The following GRIP2 variants were observed in gnomAD, a reference collection of about 807,000 sequenced individuals.
GRIP2 encodes glutamate receptor-interacting protein 2.
In GRIP2, 58 loss-of-function variants were observed where a neutral mutation model predicts 108.3. The observed-to-expected ratio is 0.54, with a 90% CI of 0.43 to 0.67. The LOEUF is 0.67. Ranked by LOEUF, GRIP2 falls within the 30% of genes least tolerant of loss-of-function variation. The probability of loss-of-function intolerance (pLI) is 0.00; values close to 1 mark genes in which losing one functional copy is unlikely to be tolerated. For missense variants in GRIP2, 1,278 were observed against 1,430.6 expected (o/e 0.89, Z 1.72); for synonymous variants, 586 against 598.2 (o/e 0.98, Z 0.30).
intron 1 of GRIP2, among the ~76,000 whole-genome samples, chr3:14,552,309 T>C (rs73133627): frequency 0.041 from 6,242 of 152,196 alleles, 418 homozygotes; most frequent in African/African-American, 0.14. Flanking sequence ...GAGTGAATAA[T>C]TCATCACAGA....
At chr3:14,561,699 T>C in the GRIP2 span, among the ~76,000 whole-genome samples, 1 of 152,230 alleles carries the variant, frequency 6.6e-6, no homozygotes, top group African/African-American at 2.4e-5. Flanking sequence ...TAGCATCTCA[T>C]CAGAGATGCC....
At chr3:14,563,052 A>C in the GRIP2 span, among the ~76,000 whole-genome samples, 1 of 152,240 alleles carries the variant, frequency 6.6e-6, no homozygotes, top group African/African-American at 2.4e-5. Context: ...TACAGATTAA[A>C]AGAGACACAA....
At position 14,511,289 on chromosome 3, in the gene GRIP2, G is replaced by A. The variant is rs781690636; in HGVS notation, c.1809C>T (p.Gly603=). The change falls in exon 16 of 24, where the codon GGC becomes GGT. Residue 603 remains glycine (G), a synonymous_variant. Transcript: ENST00000621039. The surrounding 1 kb of genome is among the most constrained non-coding windows in gnomAD (Gnocchi z 4.1). ...VAHRTGTLEP[G]DKLLAIDNIR... Reference sequence around the variant, plus strand: ...TATTGTCAATGGCCAGTAGCTTGTCGCCTGGCTCCAGGGTGCCCGTCCTGC... The same window carrying A: ...TATTGTCAATGGCCAGTAGCTTGTCACCTGGCTCCAGGGTGCCCGTCCTGC... 28 of 1,613,976 alleles carry A rather than the reference G, an allele frequency of 1.7e-5. No individual in the cohort carries two copies. The highest frequency in any genetic ancestry group is 6.7e-5 in the East Asian group (3 of 44,876).
At chr3:14,563,105 C>CTGATT in the GRIP2 span, among the ~76,000 whole-genome samples, 1 of 152,084 alleles carries the variant, frequency 6.6e-6, no homozygotes, top group Non-Finnish European at 1.5e-5. Flanking sequence ...TACTTGAATC[C>CTGATT]TGATTTGAAT....
At chr3:14,515,675 G>A (rs986892848) in intron 11 of GRIP2, among the ~76,000 whole-genome samples, 7 of 151,906 alleles carry the variant, frequency 4.6e-5, no homozygotes, top group African/African-American at 1.5e-4. Flanking sequence ...TCACTGTGTC[G>A]CCCAGGGTGG....
At chr3:14,514,128 A>G (rs371874440) in intron 12 of GRIP2, among the ~76,000 whole-genome samples, 164 bp downstream of exon 12, 2 of 152,344 alleles carry the variant, frequency 1.3e-5, no homozygotes, top group South Asian at 4.1e-4. Flanking sequence ...TGGGCAAGTG[A>G]GTCAGCTTCT....
the GRIP2 span, among the ~76,000 whole-genome samples, chr3:14,569,024 A>G: frequency 6.6e-6 from 1 of 152,246 alleles, no homozygotes; most frequent in African/African-American, 2.4e-5. Context: ...CCAGGCAGCT[A>G]GCAGAGTAAT....
intron 21 of GRIP2, among the ~76,000 whole-genome samples, chr3:14,501,906 A>G (rs974354498): frequency 6.6e-6 from 1 of 152,132 alleles, no homozygotes; most frequent in Non-Finnish European, 1.5e-5. Flanking sequence ...AAATCTCCAA[A>G]TTGGAGATTG....
chr3:14,534,731 A>C (rs896267937), intron 1 of GRIP2, among the ~76,000 whole-genome samples: 8 of 152,150 alleles, frequency 5.3e-5, no homozygotes, highest in Admixed American at 3.9e-4. Flanking sequence ...TGCACCTGGT[A>C]CTCAGGCCCA....
upstream of GRIP2, chr3:14,542,042 C>T (rs1403512151): frequency 1.5e-6 from 2 of 1,353,690 alleles, no homozygotes; most frequent in Admixed American, 2.0e-5. Flanking sequence ...CCTCCATTCC[C>T]TCCATCTACA....
intron 4 of GRIP2, 82 bp downstream of exon 4, chr3:14,524,311 C>G: frequency 6.7e-7 from 1 of 1,482,126 alleles, no homozygotes; most frequent in Non-Finnish European, 9.1e-7. Context: ...ATGATCCCTG[C>G]CACCCAGGCC....
the GRIP2 span, among the ~76,000 whole-genome samples, chr3:14,584,274 T>C: frequency 1.3e-5 from 2 of 152,178 alleles, no homozygotes; most frequent in African/African-American, 4.8e-5. Context: ...CTCTTGGCCC[T>C]TCTCTATTGA....
At chr3:14,547,427 G>A (rs541412079) in intron 1 of GRIP2, among the ~76,000 whole-genome samples, 9 of 152,208 alleles carry the variant, frequency 5.9e-5, no homozygotes, top group Non-Finnish European at 1.2e-4. Context: ...AGCCAGATCT[G>A]GCGCTGGGAT....
At chr3:14,496,242 ATG>A (rs942588240) in intron 22 of GRIP2, among the ~76,000 whole-genome samples, 173 bp downstream of exon 22, 13 of 152,260 alleles carry the variant, frequency 8.5e-5, no homozygotes, top group Non-Finnish European at 1.9e-4. Context: ...ACAGGTGTGC[ATG>A]TGTGTGAGTG....
chr3:14,556,812 A>C (rs1695243539), upstream of GRIP2, among the ~76,000 whole-genome samples: 1 of 152,192 alleles, frequency 6.6e-6, no homozygotes, highest in African/African-American at 2.4e-5. Flanking sequence ...TTGGCAGGGC[A>C]GTGTTGCCCT....
At chr3:14,503,504 A>T in intron 21 of GRIP2, 62 bp downstream of exon 21, 2 of 1,166,738 alleles carry the variant, frequency 1.7e-6, no homozygotes, top group Non-Finnish European at 1.2e-6. Flanking sequence ...CTCCCATTGC[A>T]CACACACCAG....
chr3:14,517,092 C>T lies in GRIP2; in HGVS notation c.1278G>A (p.Arg426=). Reference sequence around the variant, plus strand: ...AGCTCTTGTGTTCCCTTCTTCGCTGCCTCCTCCGCCCCATTGTAGTTCGAG... The same window carrying T: ...AGCTCTTGTGTTCCCTTCTTCGCTGTCTCCTCCGCCCCATTGTAGTTCGAG... ...MSPRTTMGRR[R]QRRREHKSSL... The change falls in exon 11 of 24, where the codon AGG becomes AGA. Residue 426 remains arginine (R), a synonymous_variant. Transcript: ENST00000621039. The T allele has an allele frequency of 6.3e-7, 1 of 1,599,760 alleles. No individual in the cohort carries two copies. The highest frequency in any genetic ancestry group is 8.5e-7 in the Non-Finnish European group (1 of 1,173,520).
chr3:14,566,666 C>G, the GRIP2 span, among the ~76,000 whole-genome samples: 3 of 152,218 alleles, frequency 2.0e-5, no homozygotes, highest in Admixed American at 2.0e-4. Context: ...GCTCACCAAG[C>G]AAGCCGTGAC....
At chr3:14,567,283 G>A in the GRIP2 span, among the ~76,000 whole-genome samples, 1 of 148,600 alleles carries the variant, frequency 6.7e-6, no homozygotes, top group Non-Finnish European at 1.5e-5. Context: ...CCTACAAGAA[G>A]GGAGCAGGCC....
Sources: allele counts gnomAD v4.1 joint callset (sites outside exome capture counted in the v4.1 genomes callset), GRCh38; gene constraint gnomAD v4.1.1; non-coding constraint Gnocchi (gnomAD v3.1); transcripts MANE v1.5; gene names NCBI Gene and HGNC (gene_info 2026-07-23, HGNC 2026-07-21).